Variants in ELP4 observed in about 807,000 individuals in gnomAD.
ELP4 encodes elongator complex protein 4.
Under a neutral mutation model 48.9 loss-of-function variants are expected in ELP4, and 51 were observed. The observed-to-expected ratio is 1.04, with a 90% confidence interval of 0.83 to 1.32. The LOEUF is 1.32. Ranked by LOEUF, ELP4 falls within the 40% of genes most tolerant of loss-of-function variation. The pLI is 0.00. For missense variants in ELP4, 519 were observed against 514.6 expected, an observed-to-expected ratio of 1.01 and a Z score of -0.08; for synonymous variants, 210 against 189.2, an observed-to-expected ratio of 1.11 and a Z score of -0.90.
At chr11:31,544,531 A>G (rs1031921321) in intron 3 of ELP4, among the ~76,000 whole-genome samples, 2 of 152,340 alleles carry the variant, frequency 1.3e-5, no homozygotes, top group African/African-American at 4.8e-5. Flanking sequence ...CCACAGCTCA[A>G]GGAGGCCTGC....
At chr11:31,760,397 TTACTC>T (rs1258481379) in intron 9 of ELP4, among the ~76,000 whole-genome samples, 3 of 152,212 alleles carry the variant, frequency 2.0e-5, no homozygotes, top group Non-Finnish European at 2.9e-5. Flanking sequence ...TTGAAAGAAA[TTACTC>T]TAAACCCCAG....
chr11:31,684,259 T>C (rs564022016), intron 9 of ELP4, among the ~76,000 whole-genome samples: 1 of 151,060 alleles, frequency 6.6e-6, no homozygotes, highest in South Asian at 2.1e-4. Flanking sequence ...CAGGCTGGAG[T>C]GCAGTGGATC....
intron 9 of ELP4, among the ~76,000 whole-genome samples, chr11:31,668,286 T>C (rs1298520130): frequency 6.6e-6 from 1 of 152,154 alleles, no homozygotes; most frequent in Admixed American, 6.6e-5. Context: ...GAATCTTATT[T>C]TTTAAGTGAC....
intron 9 of ELP4, among the ~76,000 whole-genome samples, chr11:31,768,570 A>G (rs1347003049): frequency 2.0e-5 from 3 of 152,226 alleles, no homozygotes; most frequent in African/African-American, 7.2e-5. Context: ...GTTAGGAACA[A>G]TTTGACAAAG....
At chr11:31,692,653 TC>T (rs1301450807) in intron 9 of ELP4, among the ~76,000 whole-genome samples, 1 of 152,112 alleles carries the variant, frequency 6.6e-6, no homozygotes, top group Non-Finnish European at 1.5e-5. Flanking sequence ...AAGCAGGAGA[TC>T]AGCAAAACAG....
chr11:31,709,980 T>G (rs1409031595), intron 9 of ELP4, among the ~76,000 whole-genome samples: 3 of 152,204 alleles, frequency 2.0e-5, no homozygotes, highest in Non-Finnish European at 4.4e-5. Context: ...GCAAACTGTT[T>G]GTTGCCTTCC....
rs753352984 is a variant in ELP4, at chr11:31,520,077, C to G, written c.245C>G (p.Thr82Arg). ...CCAGGTGGAGGTTTAGCCGTTGGAA[C>G]AGTTCTTCTAATTGGTTAGTACAAA... ...QLLGGGLAVG[T>R]VLLIEEDKYN... Residue 82 changes from threonine (T) to arginine (R), a missense_variant, in exon 2 of 10, where the codon ACA becomes AGA. Thr to Arg is a moderately conservative substitution (Grantham distance 71). Transcript: ENST00000640961. 94 of 1,612,602 alleles carry G rather than the reference C, an allele frequency of 5.8e-5. No homozygotes were observed. The highest frequency in any genetic ancestry group is 7.7e-5 in the Non-Finnish European group (91 of 1,179,434).
intron 6 of ELP4, among the ~76,000 whole-genome samples, chr11:31,630,643 A>G (rs1425237258): frequency 6.6e-6 from 1 of 152,058 alleles, no homozygotes; most frequent in Non-Finnish European, 1.5e-5. Context: ...CTTTTAATTT[A>G]AAATGAATAA....
At chr11:31,645,535 G>A (rs959875150) in intron 7 of ELP4, 9 of 151,666 alleles carry the variant, frequency 5.9e-5, no homozygotes, top group African/African-American at 2.2e-4. Flanking sequence ...ATATAATTGA[G>A]AAAGTCCTAG....
chr11:31,539,999 T>A (rs1220408639), intron 3 of ELP4, among the ~76,000 whole-genome samples: 1 of 152,196 alleles, frequency 6.6e-6, no homozygotes, highest in African/African-American at 2.4e-5. Flanking sequence ...TTTTTAAAGT[T>A]CATATGAGAG....
At chr11:31,763,461 C>T (rs763201752) in intron 9 of ELP4, 49 of 1,610,446 alleles carry the variant, frequency 3.0e-5, no homozygotes, top group Non-Finnish European at 4.1e-5. Flanking sequence ...ATCCTCCAGG[C>T]TTCTCATACT....
intron 2 of ELP4, among the ~76,000 whole-genome samples, chr11:31,526,798 C>T (rs1956301638): frequency 6.6e-6 from 1 of 151,934 alleles, no homozygotes; most frequent in Non-Finnish European, 1.5e-5. Context: ...TATCTTTAAT[C>T]TCTTCCACTA....
chr11:31,636,671 A>C (rs762959489), intron 7 of ELP4, among the ~76,000 whole-genome samples: 10 of 151,932 alleles, frequency 6.6e-5, no homozygotes, highest in Admixed American at 2.0e-4. Context: ...TTGTGAGTAG[A>C]ATGAAGAAGA....
intron 2 of ELP4, among the ~76,000 whole-genome samples, chr11:31,530,466 G>T (rs931737367): frequency 5.3e-5 from 8 of 152,076 alleles, no homozygotes; most frequent in Admixed American, 4.6e-4. Context: ...GTAGTTTCAT[G>T]AAGAAAGTTG....
At chr11:31,557,147 A>G (rs748996438) in intron 3 of ELP4, among the ~76,000 whole-genome samples, 1 of 151,900 alleles carries the variant, frequency 6.6e-6, no homozygotes, top group Non-Finnish European at 1.5e-5. Context: ...ACATGTTAAA[A>G]TTTAGACTAA....
At chr11:31,670,513 TCTAA>T (rs1315488104) in intron 9 of ELP4, among the ~76,000 whole-genome samples, 1 of 152,156 alleles carries the variant, frequency 6.6e-6, no homozygotes, top group Non-Finnish European at 1.5e-5. Flanking sequence ...CTGCTACCCT[TCTAA>T]CTGTTACATA....
intron 9 of ELP4, among the ~76,000 whole-genome samples, chr11:31,691,413 A>G (rs1270284264): frequency 6.6e-6 from 1 of 152,134 alleles, no homozygotes; most frequent in Non-Finnish European, 1.5e-5. Context: ...GATGAAAGGT[A>G]TCAGTTTCAC....
chr11:31,742,010 T>C (rs1467412866), intron 9 of ELP4, among the ~76,000 whole-genome samples: 1 of 152,074 alleles, frequency 6.6e-6, no homozygotes, highest in Non-Finnish European at 1.5e-5. Flanking sequence ...AAAAATTAGA[T>C]GAATGGATAA....
intron 3 of ELP4, among the ~76,000 whole-genome samples, chr11:31,559,729 C>G (rs985930153): frequency 6.6e-6 from 1 of 151,904 alleles, no homozygotes; most frequent in African/African-American, 2.4e-5. Flanking sequence ...CATGGAGAAA[C>G]CTCATCTCTA....
Sources: allele counts gnomAD v4.1 joint callset (sites outside exome capture counted in the v4.1 genomes callset), GRCh38; gene constraint gnomAD v4.1.1; transcripts MANE v1.5; gene names NCBI Gene and HGNC (gene_info 2026-07-23, HGNC 2026-07-21).